Variants in FSIP1 observed in about 807,000 individuals in gnomAD.
The protein encoded by FSIP1 is fibrous sheath-interacting protein 1.
A neutral mutation model predicts 60.9 loss-of-function variants in FSIP1; 65 were observed. That is an observed-to-expected ratio of 1.07 (90% CI 0.87 to 1.31). The LOEUF is 1.31. Among genes scored for constraint, FSIP1 ranks in the 40% most tolerant of loss-of-function variants. The probability of loss-of-function intolerance (pLI) is 0.00; values close to 1 mark genes in which losing one functional copy is unlikely to be tolerated. For missense variants in FSIP1, 675 were observed against 665.5 expected, an observed-to-expected ratio of 1.01 and a Z score of -0.16; for synonymous variants, 209 against 221.2, an observed-to-expected ratio of 0.94 and a Z score of 0.49.
intron 5 of FSIP1, among the ~76,000 whole-genome samples, chr15:39,744,834 G>A (rs1432765945): frequency 6.9e-6 from 1 of 144,872 alleles, no homozygotes; most frequent in Non-Finnish European, 1.5e-5. Context: ...TGGCCAGCCT[G>A]TGGCTTGAAG....
At chr15:39,608,697 A>C (rs1352832477) in intron 11 of FSIP1, among the ~76,000 whole-genome samples, 2 of 152,228 alleles carry the variant, frequency 1.3e-5, no homozygotes, top group Non-Finnish European at 2.9e-5. Context: ...TGCTAAATAA[A>C]AACATTACAG....
At chr15:39,734,393 A>C (rs1896532501) in intron 8 of FSIP1, among the ~76,000 whole-genome samples, 1 of 152,184 alleles carries the variant, frequency 6.6e-6, no homozygotes, top group African/African-American at 2.4e-5. Context: ...ATTTTGGCTA[A>C]ATTTTGTTTA....
At chr15:39,680,011 A>G (rs1441725926) in intron 10 of FSIP1, among the ~76,000 whole-genome samples, 1 of 152,214 alleles carries the variant, frequency 6.6e-6, no homozygotes, top group Admixed American at 6.5e-5. Flanking sequence ...ACTCTTGAGC[A>G]AGCTCCCACA....
At chr15:39,677,331 G>A (rs1337571771) in intron 10 of FSIP1, among the ~76,000 whole-genome samples, 1 of 152,144 alleles carries the variant, frequency 6.6e-6, no homozygotes, top group Non-Finnish European at 1.5e-5. Context: ...ATTCATATGA[G>A]CTTTCTGGAG....
chr15:39,618,721 C>T (rs536224641), intron 10 of FSIP1, among the ~76,000 whole-genome samples: 68 of 152,338 alleles, frequency 4.5e-4, no homozygotes, highest in Non-Finnish European at 8.4e-4. Flanking sequence ...ATCATGCATA[C>T]TTAATCTCTG....
chr15:39,715,325 C>T (rs1275896855), intron 9 of FSIP1, among the ~76,000 whole-genome samples: 2 of 152,018 alleles, frequency 1.3e-5, no homozygotes, highest in Non-Finnish European at 2.9e-5. Flanking sequence ...CCTGACATAC[C>T]CACAAAGGAC....
intron 10 of FSIP1, among the ~76,000 whole-genome samples, chr15:39,639,140 G>C (rs115104455): frequency 0.016 from 2,404 of 152,246 alleles, 70 homozygotes; most frequent in African/African-American, 0.055. Context: ...GAATTCTCTT[G>C]GTTCCCAACT....
intron 10 of FSIP1, among the ~76,000 whole-genome samples, chr15:39,658,779 C>T (rs1893175002): frequency 6.6e-6 from 1 of 152,128 alleles, no homozygotes; most frequent in Non-Finnish European, 1.5e-5. Flanking sequence ...AAACATTGAG[C>T]TGCCGTATGA....
intron 10 of FSIP1, among the ~76,000 whole-genome samples, chr15:39,674,809 C>T (rs1893873167): frequency 6.6e-6 from 1 of 151,928 alleles, no homozygotes; most frequent in Admixed American, 6.6e-5. Flanking sequence ...ACAAAAGTAC[C>T]CATTATAAAA....
intron 10 of FSIP1, among the ~76,000 whole-genome samples, chr15:39,644,287 C>A (rs1404927265): frequency 1.3e-5 from 2 of 152,156 alleles, no homozygotes; most frequent in Non-Finnish European, 2.9e-5. Flanking sequence ...GCTGCCCGGC[C>A]GAGTGTGCCA....
At chr15:39,692,045 T>C (rs1449897215) in intron 10 of FSIP1, among the ~76,000 whole-genome samples, 4 of 134,418 alleles carry the variant, frequency 3.0e-5, no homozygotes, top group African/African-American at 2.5e-5. Context: ...AAAGGATTAT[T>C]TTCTACAAAG....
intron 3 of FSIP1, among the ~76,000 whole-genome samples, chr15:39,769,343 GT>G (rs1249375093): frequency 6.6e-6 from 1 of 151,594 alleles, no homozygotes; most frequent in Admixed American, 6.6e-5. Flanking sequence ...GACATATGCA[GT>G]TTTCCAAAAC....
intron 10 of FSIP1, among the ~76,000 whole-genome samples, chr15:39,709,907 G>A (rs1350410285): frequency 3.9e-5 from 6 of 152,116 alleles, no homozygotes; most frequent in African/African-American, 9.7e-5. Flanking sequence ...CCTGCTGAGC[G>A]GCCCAGTACC....
At chr15:39,712,479 G>T (rs1316010958) in intron 10 of FSIP1, among the ~76,000 whole-genome samples, 1 of 152,086 alleles carries the variant, frequency 6.6e-6, no homozygotes, top group East Asian at 1.9e-4. Context: ...CAAAAAAAAA[G>T]ATTTTGAGTC....
rs1297197133 is a variant in FSIP1, at chr15:39,617,793, C to T, written c.1641G>A (p.Val547=). 1.2e-6 allele frequency: 2 copies of T among 1,614,094 alleles called. No homozygotes were observed. Among genetic ancestry groups the T allele is most frequent in the Non-Finnish European group, 1.7e-6 (2 of 1,179,946 alleles). The change falls in exon 11 of 12, where the codon GTG becomes GTA. Residue 547 remains valine, a synonymous_variant. Coordinates refer to ENST00000350221, the MANE Select transcript of FSIP1 (RefSeq NM_152597.5). ...GATGTTGGTCTTCTGATGAAAGGCT[C>T]ACACTGATACCATACAGTGGATCAT... ...FLDDPLYGIS[V]SLSSEDQHLK...
chr15:39,669,828 C>T (rs1027846056), intron 10 of FSIP1, among the ~76,000 whole-genome samples: 2 of 152,182 alleles, frequency 1.3e-5, no homozygotes, highest in Non-Finnish European at 2.9e-5. Context: ...AAATTAACAA[C>T]CAGCATTTTT....
At chr15:39,714,321 G>T (rs768257608) in intron 9 of FSIP1, among the ~76,000 whole-genome samples, 23 of 151,982 alleles carry the variant, frequency 1.5e-4, no homozygotes, top group Middle Eastern at 3.4e-3. Context: ...TGATAAAAAT[G>T]GGCATTTCTT....
At chr15:39,690,615 A>G (rs745449791) in intron 10 of FSIP1, among the ~76,000 whole-genome samples, 5 of 152,198 alleles carry the variant, frequency 3.3e-5, no homozygotes, top group Non-Finnish European at 5.9e-5. Flanking sequence ...AACAGAATAG[A>G]AAGCCTGATG....
chr15:39,676,172 C>CAAAAAAAAA (rs11369072), intron 10 of FSIP1, among the ~76,000 whole-genome samples: 1 of 112,854 alleles, frequency 8.9e-6, no homozygotes, highest in Non-Finnish European at 1.8e-5. Context: ...GACTCCATCT[C>CAAAAAAAAA]AAAAAAAAAA....
Sources: allele counts gnomAD v4.1 joint callset (sites outside exome capture counted in the v4.1 genomes callset), GRCh38; gene constraint gnomAD v4.1.1; transcripts MANE v1.5; gene names NCBI Gene and HGNC (gene_info 2026-07-23, HGNC 2026-07-21).